The following LOX variants were observed in gnomAD, a reference collection of about 807,000 sequenced individuals.
LOX encodes the protein lysyl oxidase, also known as protein-lysine 6-oxidase.
A neutral mutation model predicts 50.5 loss-of-function variants in LOX; 12 were observed. The ratio of observed to expected loss-of-function variants is 0.24; its 90% CI spans 0.15 to 0.38. LOX has a LOEUF of 0.38. Ranked by LOEUF, LOX falls within the 10% of genes least tolerant of loss-of-function variation. LOX has a pLI of 1.00. For synonymous variants in LOX, 254 were observed against 230.6 expected (o/e 1.10, Z -0.92); for missense variants, 504 against 563.8 (o/e 0.89, Z 1.07).
At chr5:122,073,592 T>C (rs1437813741) in intron 4 of LOX, among the ~76,000 whole-genome samples, 1 of 152,180 alleles carries the variant, frequency 6.6e-6, no homozygotes, top group East Asian at 1.9e-4. Context: ...GGTTAAGGAA[T>C]ACAGAATGGG....
rs750033944 is a variant in LOX at position 122,078,007 on chromosome 5, C to G, written c.-22G>C. 2 of 1,441,088 alleles carry G rather than the reference C, an allele frequency of 1.4e-6. No individual in the cohort carries two copies. Among genetic ancestry groups the G allele is most frequent in the African/African-American group, 1.5e-5 (1 of 66,894 alleles). The allele number at this position is 1,441,088 out of a possible 1,614,324, so 89.3% of individuals were successfully genotyped here. A position where few individuals can be genotyped will look rare whatever the true frequency, so the allele number is the denominator to read the frequency against. On this transcript the variant is annotated 5_prime_UTR_variant, in exon 1 of 7. Coordinates refer to ENST00000231004, the MANE Select transcript of LOX (RefSeq NM_002317.7). ...GCATCACTCCTTTTGCCAGATTGAC[C>G]CCGCTCGAGGAGGACGTGGCTCACA... is the stretch of plus-strand genomic sequence containing the variant.
rs762913437 is a variant in LOX at position 122,077,688 on chromosome 5, C to A, written c.298G>T (p.Ala100Ser). The change falls in exon 1 of 7, where the codon GCC becomes TCC. Residue 100 changes from alanine to serine, a missense_variant. Around this residue, in one of 2 missense-constraint regions of LOX, gnomAD observed 398 missense variants for 365.8 expected, o/e 1.09. Coordinates refer to ENST00000231004, the MANE Select transcript of LOX (RefSeq NM_002317.7). The surrounding 1 kb of genome is among the most constrained non-coding windows in gnomAD (Gnocchi z 4.9). Reference protein sequence around the residue: ...PILLIRDNRTAAARTRTAGSS... With the variant: ...PILLIRDNRTSAARTRTAGSS... ...CCGGCCGTCCGCGTTCGCGCCGCGGCGGTGCGGTTGTCGCGGATCAGCAGG... is the reference window on the plus strand; with the variant it reads ...CCGGCCGTCCGCGTTCGCGCCGCGGAGGTGCGGTTGTCGCGGATCAGCAGG... The A allele has an allele frequency of 2.5e-6, 4 of 1,599,356 alleles. No homozygotes were observed. Among genetic ancestry groups the A allele is most frequent in the Non-Finnish European group, 3.4e-6 (4 of 1,175,262 alleles).
At position 122,065,921 on chromosome 5, in the gene LOX, G is replaced by A. The variant is rs1013596868; in HGVS notation, c.*822C>T. On this transcript the variant is annotated 3_prime_UTR_variant, in exon 7 of 7. Coordinates refer to ENST00000231004, the MANE Select transcript of LOX (RefSeq NM_002317.7). ...CATCAAAATGACTTTCCAGTTTCAC[G>A]GCTGCCTTATGTATACCAGTCCCAA... is the stretch of plus-strand genomic sequence containing the variant. 1 of 151,834 alleles carries A rather than the reference G, an allele frequency of 6.6e-6. No individual in the cohort carries two copies. Among genetic ancestry groups the A allele is most frequent in the Non-Finnish European group, 1.5e-5 (1 of 67,954 alleles). The allele number at this position is 151,834 out of a possible 1,614,324, so 9.4% of individuals were successfully genotyped here. A position where few individuals can be genotyped will look rare whatever the true frequency, so the allele number is the denominator to read the frequency against.
At chr5:122,073,470 C>T (rs1473050204) in intron 4 of LOX, among the ~76,000 whole-genome samples, 2 of 152,092 alleles carry the variant, frequency 1.3e-5, no homozygotes, top group Admixed American at 6.5e-5. Flanking sequence ...CTTATTTTTC[C>T]TCCATTTGCT....
In LOX at chr5:122,077,013, C is replaced by A; in HGVS notation, c.632-12G>T. The A allele has an allele frequency of 6.2e-7, 1 of 1,612,120 alleles. No homozygotes were observed. Reference sequence around the variant, plus strand: ...CAGGTCTGGGAGACCTAAACGTCAGCAGGCGACGGGCGCAGCAGTGAAACA... The same window carrying A: ...CAGGTCTGGGAGACCTAAACGTCAGAAGGCGACGGGCGCAGCAGTGAAACA... On this transcript the variant is annotated splice_polypyrimidine_tract_variant and intron_variant, in intron 1 of 6. Coordinates refer to ENST00000231004, the MANE Select transcript of LOX (RefSeq NM_002317.7). This position sits in a 1 kb window ranked among gnomAD's most constrained non-coding sequence, Gnocchi z 4.9.
intron 3 of LOX, 67 bp from the exon 4 acceptor site, chr5:122,074,236 T>C: frequency 7.3e-7 from 1 of 1,376,322 alleles, no homozygotes; most frequent in South Asian, 1.3e-5. Context: ...AGATATTAAA[T>C]GACTTCCCCC....
Position 122,076,892 on chromosome 5 carries a change from C to T in LOX, c.740+1G>A. 1 of 1,613,962 alleles carries T rather than the reference C, an allele frequency of 6.2e-7. No homozygotes were observed. The highest frequency in any genetic ancestry group is 1.1e-5 in the South Asian group (1 of 91,072). On this transcript the variant is annotated splice_donor_variant, in intron 2 of 6. Transcript: ENST00000231004. LOFTEE classifies it high-confidence loss of function. ...GGGGCCTCAGACATATCAGCCCGTA[C>T]CTGGCCAGACAGTTTTCCTCCGCCG...
In LOX at chr5:122,070,179, C is replaced by T. The variant is rs1561417289; in HGVS notation, c.1132-11G>A. 1 of 1,392,436 alleles carries T rather than the reference C, an allele frequency of 7.2e-7. No homozygotes were observed. Among genetic ancestry groups the T allele is most frequent in the Non-Finnish European group, 1.0e-6 (1 of 978,638 alleles). 86.3% of individuals were successfully genotyped at this position (1,392,436 alleles called of 1,614,324 possible). A position where few individuals can be genotyped will look rare whatever the true frequency, so the allele number is the denominator to read the frequency against. On this transcript the variant is annotated splice_polypyrimidine_tract_variant and intron_variant, in intron 5 of 6. Transcript: ENST00000231004. ...GGGGTTTACACTGACCTGGGCAACA[C>T]AAAGAGTTCCTCAGTATTTCTTTTT...
In LOX at chr5:122,077,447, T is replaced by C; in HGVS notation, c.539A>G (p.Asp180Gly). 1 of 1,614,106 alleles carries C rather than the reference T, an allele frequency of 6.2e-7. No individual in the cohort carries two copies. Among genetic ancestry groups the C allele is most frequent in the Non-Finnish European group, 8.5e-7 (1 of 1,179,996 alleles). ...DPYNPYKYSD[D>G]NPYYNYYDTY... is the part of the protein sequence containing the mutation. ...ATCGTAGTAGTTGTAATAAGGGTTGTCGTCAGAGTACTTGTAGGGGTTGTA... is the reference window on the plus strand; with the variant it reads ...ATCGTAGTAGTTGTAATAAGGGTTGCCGTCAGAGTACTTGTAGGGGTTGTA... Residue 180 changes from aspartate (D) to glycine (G), a missense_variant, in exon 1 of 7, where the codon GAC becomes GGC. This residue lies in a region of LOX where 398 missense variants were observed against 365.8 expected (regional missense o/e 1.09). Transcript: ENST00000231004. This position sits in a 1 kb window ranked among gnomAD's most constrained non-coding sequence, Gnocchi z 4.9.
intron 6 of LOX, among the ~76,000 whole-genome samples, chr5:122,068,191 A>T (rs1368036249): frequency 6.6e-6 from 1 of 151,312 alleles, no homozygotes; most frequent in Non-Finnish European, 1.5e-5. Context: ...AAAAAAAAAA[A>T]AAAAAATTCA....
chr5:122,074,167 T>G lies in LOX; in HGVS notation c.881A>C (p.His294Pro), dbSNP rs149104138. Reference protein sequence around the residue: ...YSWEWHSCHQHYHSMDEFSHY... With the variant: ...YSWEWHSCHQPYHSMDEFSHY... ...GCTAAACTCATCCATACTGTGGTAA[T>G]GTCTGATGTCCCACAAAACAAAAAG... The change falls in exon 4 of 7, where the codon CAT becomes CCT. Residue 294 changes from histidine to proline, a missense_variant and splice_region_variant. Coordinates refer to ENST00000231004, the MANE Select transcript of LOX (RefSeq NM_002317.7). 1 of 1,611,238 alleles carries G rather than the reference T, an allele frequency of 6.2e-7. No individual in the cohort carries two copies. Among genetic ancestry groups the G allele is most frequent in the Non-Finnish European group, 8.5e-7 (1 of 1,177,738 alleles).
chr5:122,076,981 C>T lies in LOX; in HGVS notation c.652G>A (p.Asp218Asn). The T allele has an allele frequency of 6.2e-7, 1 of 1,613,612 alleles. No individual in the cohort carries two copies. The highest frequency in any genetic ancestry group is 8.5e-7 in the Non-Finnish European group (1 of 1,179,974). The change falls in exon 2 of 7, where the codon GAC (aspartate) becomes AAC (asparagine). Residue 218 changes from aspartate to asparagine, a missense_variant. Transcript: ENST00000231004. Reference sequence around the variant, plus strand: ...GTGGACGCCTGGATGTAGTAGGGGTCGGCCACCAGGTCTGGGAGACCTAAA... The same window carrying T: ...GTGGACGCCTGGATGTAGTAGGGGTTGGCCACCAGGTCTGGGAGACCTAAA... ...FQYGLPDLVA[D>N]PYYIQASTYV...
intron 3 of LOX, 48 bp downstream of exon 3, chr5:122,075,356 G>A (rs1754585703): frequency 6.6e-7 from 1 of 1,515,820 alleles, no homozygotes; most frequent in Non-Finnish European, 8.9e-7. Flanking sequence ...AAAATCACCT[G>A]AGAAATGAAA....
chr5:122,077,683 C>T lies in LOX; in HGVS notation c.303G>A (p.Ala101=), dbSNP rs760047874. 1.2e-6 allele frequency: 2 copies of T among 1,600,012 alleles called. No homozygotes were observed. The highest frequency in any genetic ancestry group is 2.7e-5 in the African/African-American group (2 of 74,728). ...ATGAGCCGGCCGTCCGCGTTCGCGCCGCGGCGGTGCGGTTGTCGCGGATCA... is the reference window on the plus strand; with the variant it reads ...ATGAGCCGGCCGTCCGCGTTCGCGCTGCGGCGGTGCGGTTGTCGCGGATCA... ...ILLIRDNRTA[A]ARTRTAGSSG... is the part of the protein sequence containing the mutation. The change falls in exon 1 of 7, where the codon GCG becomes GCA. Residue 101 remains alanine (A), a synonymous_variant. Coordinates refer to ENST00000231004, the MANE Select transcript of LOX (RefSeq NM_002317.7). This position sits in a 1 kb window ranked among gnomAD's most constrained non-coding sequence, Gnocchi z 4.9.
At chr5:122,075,594 A>C in intron 2 of LOX, 53 bp from the exon 3 acceptor site, 1 of 1,209,484 alleles carries the variant, frequency 8.3e-7, no homozygotes, top group Admixed American at 2.4e-5. Context: ...TTAACTAAAG[A>C]CAAAACTACA....
rs577637209 is a variant in LOX, at chr5:122,075,435, T to C, written c.847A>G (p.Arg283Gly). Residue 283 changes from arginine (R) to glycine (G), a missense_variant, in exon 3 of 7, where the codon AGA (arginine) becomes GGA (glycine). Transcript: ENST00000231004. ...GTSDFLPSRP[R>G]YSWEWHSCHQ... ...CAACTGTGCCATTCCCAGGAATATC[T>C]TGGTCGGCTGGGTAAGAAATCTGAT... 3 of 1,613,804 alleles carry C rather than the reference T, an allele frequency of 1.9e-6. No homozygotes were observed. Among genetic ancestry groups the C allele is most frequent in the South Asian group, 2.2e-5 (2 of 91,008 alleles).
chr5:122,073,652 C>A (rs1403772075), intron 4 of LOX, among the ~76,000 whole-genome samples: 1 of 152,086 alleles, frequency 6.6e-6, no homozygotes, highest in African/African-American at 2.4e-5. Flanking sequence ...AATTTTTGTT[C>A]TTCATTGTGG....
rs779512296 is a variant in LOX, at chr5:122,076,897, CCAGA to C, written c.732_735del (p.Cys244TrpfsTer25). On this transcript the variant is annotated frameshift_variant, in exon 2 of 7. Coordinates refer to ENST00000231004, the MANE Select transcript of LOX (RefSeq NM_002317.7). LOFTEE classifies it high-confidence loss of function. ...CTCAGACATATCAGCCCGTACCTGG[CCAGA>C]CAGTTTTCCTCCGCCGCGCATCTCA... is the stretch of plus-strand genomic sequence containing the variant. The C allele has an allele frequency of 6.2e-6, 10 of 1,614,006 alleles. No homozygotes were observed. Among genetic ancestry groups the C allele is most frequent in the Admixed American group, 1.7e-5 (1 of 60,020 alleles).
rs759099201 is a variant in LOX, at chr5:122,066,097, A to G, written c.*646T>C. 9.2e-5 allele frequency: 14 copies of G among 152,232 alleles called. No individual in the cohort carries two copies. Among genetic ancestry groups the G allele is most frequent in the Non-Finnish European group, 1.6e-4 (11 of 67,992 alleles). The allele number at this position is 152,232 out of a possible 1,614,324, so 9.4% of individuals were successfully genotyped here. On this transcript the variant is annotated 3_prime_UTR_variant, in exon 7 of 7. Coordinates refer to ENST00000231004, the MANE Select transcript of LOX (RefSeq NM_002317.7). ...AAAAGTTGACTCAAGTCAAAATGAA[A>G]TTGTGCACTTGAAAGAAAGGAAGTT...
Sources: allele counts gnomAD v4.1 joint callset (sites outside exome capture counted in the v4.1 genomes callset), GRCh38; gene constraint gnomAD v4.1.1; regional missense constraint gnomAD v4.1.1; non-coding constraint Gnocchi (gnomAD v3.1); transcripts MANE v1.5; gene names NCBI Gene and HGNC (gene_info 2026-07-23, HGNC 2026-07-21).